COP1: variants seen among roughly 807,000 people sequenced by gnomAD.
The protein encoded by COP1 is COP1 E3 ubiquitin ligase, also known as E3 ubiquitin-protein ligase COP1.
Under a neutral mutation model 101.3 loss-of-function variants are expected in COP1, and 24 were observed. That is an observed-to-expected ratio of 0.24 (90% confidence interval 0.17 to 0.33). The LOEUF is 0.33. COP1 is among the 10% of genes least tolerant of loss of function. The pLI, the probability that COP1 is intolerant of heterozygous loss-of-function variation, is 1.00. For missense variants in COP1, 663 were observed against 906.2 expected, an observed-to-expected ratio of 0.73 and a Z score of 3.45; for synonymous variants, 347 against 341.9, an observed-to-expected ratio of 1.01 and a Z score of -0.17.
At chr1:176,046,541 T>C (rs1332101795) in intron 11 of COP1, among the ~76,000 whole-genome samples, 1 of 152,066 alleles carries the variant, frequency 6.6e-6, no homozygotes, top group African/African-American at 2.4e-5. Context: ...ATCTACACAA[T>C]TGTGCACAGG....
chr1:176,146,491 T>C (rs1325338180), intron 6 of COP1, among the ~76,000 whole-genome samples: 1 of 152,216 alleles, frequency 6.6e-6, no homozygotes, highest in African/African-American at 2.4e-5. Context: ...GTCTTCAATA[T>C]CCTCTCTTGC....
chr1:176,053,273 C>T (rs1358983766), intron 11 of COP1, among the ~76,000 whole-genome samples: 1 of 152,110 alleles, frequency 6.6e-6, no homozygotes, highest in African/African-American at 2.4e-5. Context: ...TTCAAATAGG[C>T]CTGGAAGTAA....
chr1:175,987,227 G>A (rs1657339448), intron 17 of COP1, 124 bp from the exon 18 acceptor site: 6 of 513,706 alleles, frequency 1.2e-5, no homozygotes, highest in Non-Finnish European at 2.0e-5. Context: ...AATTTGAAAG[G>A]CTAGATCACA....
chr1:176,130,741 CCTT>C, intron 8 of COP1, among the ~76,000 whole-genome samples: 1 of 151,508 alleles, frequency 6.6e-6, no homozygotes, highest in Middle Eastern at 3.4e-3. Context: ...GTATTTAAGT[CCTT>C]ATTATATATA....
chr1:176,197,494 C>T (rs1374735302), intron 1 of COP1, among the ~76,000 whole-genome samples: 1 of 152,110 alleles, frequency 6.6e-6, no homozygotes, highest in East Asian at 1.9e-4. Context: ...GTCTCTAGAC[C>T]TATGAGAAAA....
At chr1:176,027,712 C>A (rs1476558748) in intron 14 of COP1, 24 bp from the exon 15 acceptor site, 5 of 1,398,300 alleles carry the variant, frequency 3.6e-6, no homozygotes, top group Admixed American at 3.4e-5. Context: ...ACAATAAAAA[C>A]AAAAAGAGAA....
At chr1:176,012,298 T>C (rs1664825711) in intron 15 of COP1, among the ~76,000 whole-genome samples, 1 of 152,182 alleles carries the variant, frequency 6.6e-6, no homozygotes, top group South Asian at 2.1e-4. Flanking sequence ...CATGCTCCAC[T>C]AAGTTTTTGT....
chr1:176,078,452 G>C (rs1298206520), intron 11 of COP1, among the ~76,000 whole-genome samples: 1 of 152,090 alleles, frequency 6.6e-6, no homozygotes, highest in African/African-American at 2.4e-5. Context: ...ATGTGCAGAA[G>C]AATAAAACTG....
chr1:176,124,518 T>C lies in COP1; in HGVS notation c.969-7837A>G, dbSNP rs577539597. Among the ~76,000 whole-genome samples, 14 of 151,860 alleles carry C rather than the reference T, an allele frequency of 9.2e-5. 1 individual carries two copies. The South Asian group carries it at 1.9e-3, about 20-fold the overall frequency. On this transcript the variant is annotated intron_variant, in intron 8 of 19. Coordinates refer to ENST00000367669, the MANE Select transcript of COP1 (RefSeq NM_022457.7). ...GATCCCACAAATAAGTGAAAACATG[T>C]GTTGTTTATCTTTCTGTTCCTAGCT...
intron 14 of COP1, among the ~76,000 whole-genome samples, chr1:176,029,560 T>A (rs972730287): frequency 6.6e-6 from 1 of 152,186 alleles, no homozygotes; most frequent in Non-Finnish European, 1.5e-5. Context: ...AATCTTTCCA[T>A]CCATCTTTCA....
In COP1 at chr1:176,171,587, G is replaced by A. The variant is rs1696067858; in HGVS notation, c.565+4323C>T. On this transcript the variant is annotated intron_variant, in intron 3 of 19. Transcript: ENST00000367669. ...CACACCTTGGCTAAAAGATCTCAGT[G>A]ACATTCTTCTGAGCACACAGAGATA... Among the ~76,000 whole-genome samples the A allele has an allele frequency of 2.0e-5, 3 of 152,186 alleles. No individual in the cohort carries two copies. The South Asian group carries it at 6.2e-4, about 32-fold the overall frequency.
intron 5 of COP1, among the ~76,000 whole-genome samples, chr1:176,151,353 A>AAAAG (rs200187869): frequency 0.13 from 14,650 of 115,412 alleles, 1,041 homozygotes; most frequent in Middle Eastern, 0.17. Context: ...GAAAGAAAGA[A>AAAAG]AAAGAAAGAA....
At chr1:176,051,742 G>A (rs1226436655) in intron 11 of COP1, among the ~76,000 whole-genome samples, 5 of 152,076 alleles carry the variant, frequency 3.3e-5, no homozygotes, top group East Asian at 3.8e-4. Flanking sequence ...TCTGTTGACC[G>A]TGACCGTATG....
intron 11 of COP1, among the ~76,000 whole-genome samples, chr1:176,070,997 T>G (rs1676901992): frequency 1.3e-5 from 2 of 152,172 alleles, no homozygotes; most frequent in Non-Finnish European, 2.9e-5. Flanking sequence ...ACACTGTAAA[T>G]ACTTTCAAAG....
chr1:176,099,726 G>A (rs933564526), intron 9 of COP1, among the ~76,000 whole-genome samples: 2 of 152,182 alleles, frequency 1.3e-5, no homozygotes, highest in African/African-American at 4.8e-5. Flanking sequence ...TCGACTTGCA[G>A]AGCCAATAAA....
intron 1 of COP1, chr1:176,206,252 C>A: frequency 3.0e-6 from 1 of 337,732 alleles, no homozygotes; most frequent in Non-Finnish European, 5.5e-6. Context: ...AACCTCTCTG[C>A]CAACTTTGTT....
In COP1 at chr1:175,945,220, A is replaced by G. The variant is rs755186721; in HGVS notation, c.2179-50T>C. On this transcript the variant is annotated intron_variant, in intron 19 of 19. Coordinates refer to ENST00000367669, the MANE Select transcript of COP1 (RefSeq NM_022457.7). ...ATTTAATAAAATCATTTAAGATATA[A>G]AAGGAATTTAATGACTCTTTACTAT... 9.0e-6 allele frequency: 12 copies of G among 1,333,164 alleles called. 1 individual carries two copies. The highest frequency in any genetic ancestry group is 1.5e-5 in the African/African-American group (1 of 67,162). The allele number at this position is 1,333,164 out of a possible 1,614,324, so 82.6% of individuals were successfully genotyped here.
chr1:175,968,535 T>G (rs1652568078), intron 18 of COP1: 4 of 517,212 alleles, frequency 7.7e-6, no homozygotes, highest in Non-Finnish European at 1.5e-5. Flanking sequence ...TCCAGCAGCT[T>G]CCATTTCTGG....
chr1:176,026,002 G>C (rs1667600148), intron 15 of COP1, among the ~76,000 whole-genome samples: 1 of 151,920 alleles, frequency 6.6e-6, no homozygotes, highest in South Asian at 2.1e-4. Context: ...ATAAATACAA[G>C]AAAGTCTGAT....
Sources: gnomAD v4.1 joint callset for allele counts (sites outside exome capture counted in the v4.1 genomes callset) on GRCh38, gnomAD v4.1.1 for gene constraint, MANE v1.5 for transcripts, NCBI Gene and HGNC (gene_info 2026-07-23, HGNC 2026-07-21) for gene names.